Variants in LANCL3 observed in about 807,000 individuals in gnomAD.
LANCL3 encodes lanC-like protein 3.
LANCL3 carries 19 observed loss-of-function variants against 26.5 expected under a neutral mutation model. The ratio of observed to expected loss-of-function variants is 0.72; its 90% CI spans 0.50 to 1.05. The LOEUF (loss-of-function observed/expected upper bound fraction) is 1.05. Ranked by LOEUF, LANCL3 falls within the 50% of genes least tolerant of loss-of-function variation. The probability of loss-of-function intolerance (pLI) is 0.00; values close to 1 mark genes in which losing one functional copy is unlikely to be tolerated. For synonymous variants in LANCL3, 160 were observed against 166.6 expected, an observed-to-expected ratio of 0.96 and a Z score of 0.30; for missense variants, 318 against 362.7, an observed-to-expected ratio of 0.88 and a Z score of 1.00.
chrX:37,629,778 T>C (rs782287203), intron 1 of LANCL3, among the ~76,000 whole-genome samples: 1 of 111,484 alleles, frequency 9.0e-6, no homozygotes, highest in Admixed American at 9.5e-5. Flanking sequence ...GTGTTATTTC[T>C]GAGGGCTCTG....
intron 1 of LANCL3, among the ~76,000 whole-genome samples, chrX:37,644,836 AG>A (rs1556426515): frequency 4.4e-5 from 5 of 112,539 alleles, no homozygotes; most frequent in Admixed American, 1.9e-4. Flanking sequence ...GAGCTTAAAA[AG>A]GATACTCATC....
At chrX:37,581,546 C>T (rs1195996914) in intron 1 of LANCL3, among the ~76,000 whole-genome samples, 1 of 111,810 alleles carries the variant, frequency 8.9e-6, no homozygotes, top group East Asian at 2.8e-4. Context: ...AATCATGATA[C>T]CAAGCCTATT....
intron 1 of LANCL3, among the ~76,000 whole-genome samples, chrX:37,577,156 T>A: frequency 8.9e-6 from 1 of 112,446 alleles, no homozygotes; most frequent in Non-Finnish European, 1.9e-5. Context: ...TTAAGAATGA[T>A]AACAAGGGGG....
intron 1 of LANCL3, among the ~76,000 whole-genome samples, chrX:37,635,945 T>A (rs1429489191): frequency 9.1e-6 from 1 of 110,149 alleles, no homozygotes; most frequent in Non-Finnish European, 1.9e-5. Context: ...AGGTTTTTGA[T>A]CCTCACTCTT....
chrX:37,573,856 A>T (rs1170218785), intron 1 of LANCL3, among the ~76,000 whole-genome samples: 4 of 108,889 alleles, frequency 3.7e-5, no homozygotes, highest in Non-Finnish European at 7.6e-5. Context: ...CCACTAGATC[A>T]CACAGGTGGA....
At chrX:37,599,282 TA>T (rs1476088811) in intron 1 of LANCL3, among the ~76,000 whole-genome samples, 2 of 112,397 alleles carry the variant, frequency 1.8e-5, no homozygotes, top group Non-Finnish European at 3.8e-5. Context: ...GACATTTAAA[TA>T]AAAACAAGAC....
intron 1 of LANCL3, among the ~76,000 whole-genome samples, chrX:37,590,545 C>G: frequency 8.9e-6 from 1 of 112,466 alleles, no homozygotes; most frequent in Non-Finnish European, 1.9e-5. Context: ...TTCACTCTTT[C>G]ATTCCTAGCT....
chrX:37,668,268 TATATATATCCTAGTTATATATATAA>T (rs1252125743), intron 4 of LANCL3: 19 of 157,395 alleles, frequency 1.2e-4, no homozygotes, highest in African/African-American at 6.3e-4. Flanking sequence ...TATATATATA[TATATATATCCTAGTTATATATATAA>T]ATATATATAT....
rs1226311055 is a variant in LANCL3, at chrX:37,681,497, A to G, written c.*5684A>G. 2 of 112,146 alleles carry G rather than the reference A, an allele frequency of 1.8e-5. No individual in the cohort carries two copies. The highest frequency in any genetic ancestry group is 5.6e-4 in the East Asian group (2 of 3,572). The allele number at this position is 112,146 out of a possible 1,213,427, so 9.2% of individuals were successfully genotyped here. On this transcript the variant is annotated 3_prime_UTR_variant, in exon 5 of 5. Coordinates refer to ENST00000378619, the MANE Select transcript of LANCL3 (RefSeq NM_001170331.2). ...GAGAAAATGTAAACAGAACCTGCCT[A>G]TTACACGAGAGCTGCAATATTTCCC... is the stretch of plus-strand genomic sequence containing the variant.
chrX:37,589,222 C>G (rs1924201612), intron 1 of LANCL3, among the ~76,000 whole-genome samples: 1 of 111,747 alleles, frequency 8.9e-6, no homozygotes, highest in Non-Finnish European at 1.9e-5. Flanking sequence ...ATAGTCTGGA[C>G]TCTCAATGAA....
In LANCL3 at chrX:37,667,408, A is replaced by C; in HGVS notation, c.1022A>C (p.His341Pro). 1 of 1,202,755 alleles carries C rather than the reference A, an allele frequency of 8.3e-7. No homozygotes were observed. Among genetic ancestry groups the C allele is most frequent in the Non-Finnish European group, 1.1e-6 (1 of 891,470 alleles). The change falls in exon 4 of 5, where the codon CAT becomes CCT. Residue 341 changes from histidine to proline, a missense_variant. Transcript: ENST00000378619. ...GLLKKGPGIC[H>P]GVAGSAYVFL... Reference sequence around the variant, plus strand: ...CTAAAGAAGGGGCCTGGGATTTGCCATGGAGTAGCCGGCAGTGCCTATGTC... The same window carrying C: ...CTAAAGAAGGGGCCTGGGATTTGCCCTGGAGTAGCCGGCAGTGCCTATGTC...
intron 1 of LANCL3, among the ~76,000 whole-genome samples, chrX:37,628,548 T>C (rs1925381970): frequency 9.6e-6 from 1 of 104,565 alleles, no homozygotes; most frequent in African/African-American, 3.5e-5. Context: ...CTGCACCCAT[T>C]AACTCGTCAT....
At chrX:37,576,482 T>A (rs1923752123) in intron 1 of LANCL3, among the ~76,000 whole-genome samples, 1 of 111,645 alleles carries the variant, frequency 9.0e-6, no homozygotes, top group Non-Finnish European at 1.9e-5. Flanking sequence ...AAATAATAAT[T>A]CTGCCACTGA....
At chrX:37,628,793 C>T (rs1556423577) in intron 1 of LANCL3, among the ~76,000 whole-genome samples, 1 of 110,020 alleles carries the variant, frequency 9.1e-6, no homozygotes, top group Non-Finnish European at 1.9e-5. Context: ...TTTTTTATGG[C>T]TGCATAGTAT....
intron 1 of LANCL3, 27 bp from the exon 2 acceptor site, chrX:37,655,661 C>T (rs200751376): frequency 9.2e-5 from 108 of 1,169,321 alleles, no homozygotes; most frequent in Non-Finnish European, 1.1e-4. Context: ...CCTGCTTTGA[C>T]TTCTACTTCT....
At chrX:37,585,189 A>G (rs1444965987) in intron 1 of LANCL3, among the ~76,000 whole-genome samples, 1 of 111,451 alleles carries the variant, frequency 9.0e-6, no homozygotes, top group African/African-American at 3.3e-5. Context: ...GTTCTTTTAC[A>G]TTTGCTGAGG....
intron 1 of LANCL3, among the ~76,000 whole-genome samples, chrX:37,633,148 C>T (rs1247904543): frequency 1.1e-5 from 1 of 92,585 alleles, no homozygotes; most frequent in Admixed American, 1.1e-4. Context: ...AGGCTTTGTT[C>T]GTTTTTTTTT....
At chrX:37,586,749 C>G (rs1924096367) in intron 1 of LANCL3, among the ~76,000 whole-genome samples, 1 of 112,113 alleles carries the variant, frequency 8.9e-6, no homozygotes, top group Admixed American at 9.4e-5. Context: ...CAAACTTCCC[C>G]CTTTAGCTCG....
intron 1 of LANCL3, among the ~76,000 whole-genome samples, chrX:37,599,013 A>G (rs1199018183): frequency 8.9e-6 from 1 of 112,380 alleles, no homozygotes; most frequent in African/African-American, 3.2e-5. Flanking sequence ...TGGAATTGAT[A>G]AAATTATGTA....
Sources: gnomAD v4.1 joint callset for allele counts (sites outside exome capture counted in the v4.1 genomes callset) on GRCh38, gnomAD v4.1.1 for gene constraint, MANE v1.5 for transcripts, NCBI Gene and HGNC (gene_info 2026-07-23, HGNC 2026-07-21) for gene names.